HGF: variants seen among roughly 807,000 people sequenced by gnomAD.
HGF encodes the protein fibroblast-derived tumor cytotoxic factor.
A neutral mutation model predicts 111.6 loss-of-function variants in HGF; 39 were observed. The observed-to-expected ratio is 0.35, with a 90% confidence interval of 0.27 to 0.46. The LOEUF (loss-of-function observed/expected upper bound fraction) is 0.46, where lower values mean the gene tolerates loss of function less well. Ranked by LOEUF, HGF falls within the 20% of genes least tolerant of loss-of-function variation. The probability of loss-of-function intolerance (pLI) is 1.00; values close to 1 mark genes in which losing one functional copy is unlikely to be tolerated. For synonymous variants in HGF, 285 were observed against 294.8 expected, an observed-to-expected ratio of 0.97 and a Z score of 0.34; for missense variants, 735 against 910.5, an observed-to-expected ratio of 0.81 and a Z score of 2.48.
At chr7:81,722,641 C>T (rs1309853281) in intron 9 of HGF, among the ~76,000 whole-genome samples, 1 of 149,990 alleles carries the variant, frequency 6.7e-6, no homozygotes, top group Middle Eastern at 3.2e-3. Context: ...GGTGAAACCC[C>T]ATTTCTACCA....
In HGF at chr7:81,725,898, T is replaced by C. The variant is rs777748021; in HGVS notation, c.1160A>G (p.His387Arg). The C allele has an allele frequency of 6.2e-7, 1 of 1,614,132 alleles. No homozygotes were observed. Among genetic ancestry groups the C allele is most frequent in the Non-Finnish European group, 8.5e-7 (1 of 1,179,980 alleles). ...CSQIPNCDMS[H>R]GQDCYRGNGK... ...AGAATGTCAGCTATTACCTTGTCCA[T>C]GTGACATATCACAGTTTGGAATTTG... The change falls in exon 9 of 18, where the codon CAT becomes CGT. Residue 387 changes from histidine to arginine, a missense_variant. Around this residue, in one of 3 missense-constraint regions of HGF, gnomAD observed 553 missense variants for 685.6 expected, o/e 0.81. Coordinates refer to ENST00000222390, the MANE Select transcript of HGF (RefSeq NM_000601.6).
In HGF at chr7:81,705,649, C is replaced by G. The variant is rs770672389; in HGVS notation, c.1862G>C (p.Gly621Ala). Residue 621 changes from glycine to alanine, a missense_variant and splice_region_variant, in exon 16 of 18, where the codon GGA (glycine) becomes GCA (alanine). Gly to Ala is a moderately conservative substitution (Grantham distance 60). Transcript: ENST00000222390. ...TCATCTTTTGAAAACTAGCTTACATCCAGTGTAGCCCCAGCCATAAACACT... is the reference window on the plus strand; with the variant it reads ...TCATCTTTTGAAAACTAGCTTACATGCAGTGTAGCCCCAGCCATAAACACT... ...SCSVYGWGYT[G>A]LINYDGLLRV... 1 of 1,605,194 alleles carries G rather than the reference C, an allele frequency of 6.2e-7. No homozygotes were observed. Among genetic ancestry groups the G allele is most frequent in the East Asian group, 2.2e-5 (1 of 44,770 alleles).
chr7:81,718,405 T>C lies in HGF; in HGVS notation c.1272-1040A>G, dbSNP rs1789769272. Among the ~76,000 whole-genome samples, 2 of 152,154 alleles carry C rather than the reference T, an allele frequency of 1.3e-5. 1 individual carries two copies. The highest frequency in any genetic ancestry group is 4.1e-4 in the South Asian group (2 of 4,824). Reference sequence around the variant, plus strand: ...AAATCCAGAGAGGAAAACTAATTGGTGTAATGTCACATGACTTGCAAACAC... The same window carrying C: ...AAATCCAGAGAGGAAAACTAATTGGCGTAATGTCACATGACTTGCAAACAC... On this transcript the variant is annotated intron_variant, in intron 10 of 17. Transcript: ENST00000222390.
chr7:81,702,167 G>T lies in HGF; in HGVS notation c.*414C>A, dbSNP rs535633453. 6.8e-5 allele frequency: 16 copies of T among 234,846 alleles called. No homozygotes were observed. Among genetic ancestry groups the T allele is most frequent in the African/African-American group, 3.3e-4 (15 of 44,910 alleles). 14.5% of individuals were successfully genotyped at this position (234,846 alleles called of 1,614,324 possible). On this transcript the variant is annotated 3_prime_UTR_variant, in exon 18 of 18. Coordinates refer to ENST00000222390, the MANE Select transcript of HGF (RefSeq NM_000601.6). ...ATTTAATATAGGGCTACAATTTAGGGACACAAGGTATAAATTGTTTTGGTG... is the reference window on the plus strand; with the variant it reads ...ATTTAATATAGGGCTACAATTTAGGTACACAAGGTATAAATTGTTTTGGTG...
intron 7 of HGF, among the ~76,000 whole-genome samples, chr7:81,742,536 A>G (rs1788047124): frequency 6.6e-6 from 1 of 152,138 alleles, no homozygotes; most frequent in Admixed American, 6.5e-5. Flanking sequence ...AATTCTATTG[A>G]TTTTAAAGAA....
chr7:81,712,398 AAG>A (rs1490436861), intron 11 of HGF, among the ~76,000 whole-genome samples: 3 of 152,218 alleles, frequency 2.0e-5, no homozygotes, highest in Admixed American at 6.5e-5. Context: ...CTAATGGAAA[AAG>A]AGGAATAATA....
intron 7 of HGF, among the ~76,000 whole-genome samples, chr7:81,731,294 A>G (rs1402288345): frequency 6.6e-6 from 1 of 152,194 alleles, no homozygotes; most frequent in Non-Finnish European, 1.5e-5. Flanking sequence ...AAAGTGTTTC[A>G]ATGTTTTGTA....
chr7:81,764,224 G>T (rs772307175), intron 1 of HGF, among the ~76,000 whole-genome samples: 21 of 152,086 alleles, frequency 1.4e-4, no homozygotes, highest in Non-Finnish European at 2.6e-4. Flanking sequence ...GCTCCAGTTG[G>T]TTTATGAGAT....
intron 7 of HGF, chr7:81,736,832 G>A (rs1787842641): frequency 2.3e-6 from 1 of 439,096 alleles, no homozygotes; most frequent in African/African-American, 2.1e-5. Flanking sequence ...AGATGGTTAT[G>A]TTTTGTCATT....
At chr7:81,708,236 G>T (rs1789478288) in intron 13 of HGF, among the ~76,000 whole-genome samples, 1 of 152,040 alleles carries the variant, frequency 6.6e-6, no homozygotes, top group Non-Finnish European at 1.5e-5. Context: ...ATCCTTTTCA[G>T]TATGAGTTTT....
chr7:81,708,129 C>T (rs1362215558), intron 13 of HGF, among the ~76,000 whole-genome samples: 1 of 152,006 alleles, frequency 6.6e-6, no homozygotes, highest in Non-Finnish European at 1.5e-5. Flanking sequence ...TTCAGTGCTT[C>T]AGAGGGTAAT....
chr7:81,705,186 A>C (rs1183793728), intron 17 of HGF, among the ~76,000 whole-genome samples: 1 of 151,908 alleles, frequency 6.6e-6, no homozygotes, highest in Non-Finnish European at 1.5e-5. Context: ...ATGTCATCAT[A>C]GTTTGCTGCT....
chr7:81,757,051 A>G (rs990231909), intron 4 of HGF, 138 bp downstream of exon 4: 16 of 684,962 alleles, frequency 2.3e-5, no homozygotes, highest in African/African-American at 3.6e-5. Context: ...ATGAATTCAT[A>G]TAAACCTTGC....
At position 81,701,190 on chromosome 7, in the gene HGF, T is replaced by C. The variant is rs1289340783; in HGVS notation, c.*1391A>G. The C allele has an allele frequency of 2.6e-5, 4 of 151,454 alleles. No homozygotes were observed. Among genetic ancestry groups the C allele is most frequent in the Admixed American group, 2.0e-4 (3 of 15,132 alleles). The allele number at this position is 151,454 out of a possible 1,614,324, so 9.4% of individuals were successfully genotyped here. On this transcript the variant is annotated 3_prime_UTR_variant, in exon 18 of 18. Coordinates refer to ENST00000222390, the MANE Select transcript of HGF (RefSeq NM_000601.6). ...ACAAAATTTAAATGTCTGTTACATATGGCATTAGGAGTGAACTTTGTAAAA... is the reference window on the plus strand; with the variant it reads ...ACAAAATTTAAATGTCTGTTACATACGGCATTAGGAGTGAACTTTGTAAAA...
chr7:81,767,945 T>G (rs1404864356), intron 1 of HGF, among the ~76,000 whole-genome samples: 1 of 152,190 alleles, frequency 6.6e-6, no homozygotes, highest in Non-Finnish European at 1.5e-5. Context: ...ACTATCAAAC[T>G]GGCCATCTAA....
At position 81,728,436 on chromosome 7, in the gene HGF, A is replaced by C. The variant is rs141381638; in HGVS notation, c.1040+1169T>G. 4.2e-3 allele frequency among the ~76,000 whole-genome samples: 636 copies of C among 152,346 alleles called. 1 individual carries two copies. Among genetic ancestry groups the C allele is most frequent in the Middle Eastern group, 0.017 (5 of 294 alleles). On this transcript the variant is annotated intron_variant, in intron 8 of 17. Coordinates refer to ENST00000222390, the MANE Select transcript of HGF (RefSeq NM_000601.6). The stretch of plus-strand genomic sequence containing the variant: ...TATTACTAGTCATTAGAAGTTAACA[A>C]AAATGTGAATGGCAGTGACACTATC...
rs2116117890 is a variant in HGF, at chr7:81,752,130, C to A, written c.615G>T (p.Gln205His). Residue 205 changes from glutamine (Q) to histidine (H), a missense_variant, in exon 5 of 18, where the codon CAG becomes CAT. Transcript: ENST00000222390. ...TTCAGGTTTATTTACCTTCTGAACA[C>A]TGAGGAATGTCACAGACTTCGTAGC... Reference protein sequence around the residue: ...EVRYEVCDIPQCSEVECMTCN... With the variant: ...EVRYEVCDIPHCSEVECMTCN... 1 of 1,613,558 alleles carries A rather than the reference C, an allele frequency of 6.2e-7. No individual in the cohort carries two copies. Among genetic ancestry groups the A allele is most frequent in the Non-Finnish European group, 8.5e-7 (1 of 1,179,572 alleles).
chr7:81,711,956 T>G (rs952335436), intron 11 of HGF, among the ~76,000 whole-genome samples: 2 of 152,170 alleles, frequency 1.3e-5, no homozygotes, highest in East Asian at 3.9e-4. Flanking sequence ...TTTACTGAAA[T>G]TCTTGACATT....
chr7:81,740,934 T>G (rs1252314227), intron 7 of HGF, among the ~76,000 whole-genome samples: 1 of 152,216 alleles, frequency 6.6e-6, no homozygotes, highest in African/African-American at 2.4e-5. Flanking sequence ...CGTGTGTTGT[T>G]GTTAGCCTCT....
Sources: gnomAD v4.1 joint callset for allele counts (sites outside exome capture counted in the v4.1 genomes callset) on GRCh38, gnomAD v4.1.1 for gene constraint, gnomAD v4.1.1 regional missense constraint, MANE v1.5 for transcripts, NCBI Gene and HGNC (gene_info 2026-07-23, HGNC 2026-07-21) for gene names.